The following PARP8 variants were observed in gnomAD, a reference collection of about 807,000 sequenced individuals.
The protein encoded by PARP8 is poly(ADP-ribose) polymerase family member 8, also known as protein mono-ADP-ribosyltransferase PARP8.
A neutral mutation model predicts 124.1 loss-of-function variants in PARP8; 51 were observed. That is an observed-to-expected ratio of 0.41 (90% confidence interval 0.33 to 0.52). The LOEUF (loss-of-function observed/expected upper bound fraction) is 0.52, where lower values mean the gene tolerates loss of function less well. PARP8 is among the 20% of genes least tolerant of loss of function. The probability of loss-of-function intolerance (pLI) is 0.21; values close to 1 mark genes in which losing one functional copy is unlikely to be tolerated. For synonymous variants in PARP8, 391 were observed against 361.5 expected, an observed-to-expected ratio of 1.08 and a Z score of -0.93; for missense variants, 860 against 1,018.9, an observed-to-expected ratio of 0.84 and a Z score of 2.12.
chr5:50,760,956 C>A (rs1760483566), intron 5 of PARP8, among the ~76,000 whole-genome samples: 1 of 152,146 alleles, frequency 6.6e-6, no homozygotes, highest in African/African-American at 2.4e-5. Flanking sequence ...TTGCACCATT[C>A]ATTGTTCCCT....
intron 2 of PARP8, among the ~76,000 whole-genome samples, chr5:50,704,751 A>G (rs572086840): frequency 1.3e-5 from 2 of 152,336 alleles, no homozygotes; most frequent in East Asian, 3.9e-4. Flanking sequence ...AACTGATTTC[A>G]TCTACTCTTT....
At chr5:50,740,532 A>G (rs1170609213) in intron 2 of PARP8, among the ~76,000 whole-genome samples, 1 of 152,140 alleles carries the variant, frequency 6.6e-6, no homozygotes, top group African/African-American at 2.4e-5. Context: ...GTGCTATTAA[A>G]ATTATGTTTG....
At chr5:50,674,498 C>T (rs1473880942) in intron 2 of PARP8, among the ~76,000 whole-genome samples, 1 of 152,206 alleles carries the variant, frequency 6.6e-6, no homozygotes, top group East Asian at 1.9e-4. Flanking sequence ...AGTTTCTTAT[C>T]CATCCAGTTT....
chr5:50,750,594 TA>T (rs1473564445), intron 3 of PARP8, among the ~76,000 whole-genome samples: 1 of 152,114 alleles, frequency 6.6e-6, no homozygotes, highest in South Asian at 2.1e-4. Flanking sequence ...TTTTTAGTAT[TA>T]AAAAATAGTA....
At chr5:50,718,373 CT>C (rs1383709686) in intron 2 of PARP8, among the ~76,000 whole-genome samples, 2 of 151,824 alleles carry the variant, frequency 1.3e-5, no homozygotes, top group Non-Finnish European at 2.9e-5. Context: ...TTGTAAATGT[CT>C]TATTGACTAA....
Position 50,835,026 on chromosome 5 carries a change from A to G in PARP8, c.2462+11A>G, listed in dbSNP as rs776400002. On this transcript the variant is annotated intron_variant, in intron 25 of 25. Coordinates refer to ENST00000281631, the MANE Select transcript of PARP8 (RefSeq NM_024615.4). ...ACGATTCTTTTTCGTGTAAGTGGAA[A>G]TGCTCAAATTTGTATATTACTGTCT... The G allele has an allele frequency of 1.9e-6, 3 of 1,608,666 alleles. No homozygotes were observed. In the African/African-American group the frequency reaches 4.0e-5, roughly 22 times the overall value.
chr5:50,717,115 T>G (rs2149496501), intron 2 of PARP8, among the ~76,000 whole-genome samples: 1 of 152,182 alleles, frequency 6.6e-6, no homozygotes, highest in South Asian at 2.1e-4. Flanking sequence ...GTTACATAAT[T>G]TGTAAATATA....
At position 50,779,954 on chromosome 5, in the gene PARP8, G is replaced by C. The variant is rs73101091; in HGVS notation, c.670+1304G>C. On this transcript the variant is annotated intron_variant, in intron 9 of 25. Transcript: ENST00000281631. ...ACATATTCTAACTGATTTAATGCTG[G>C]ACAAGAAAAAATAAATGTTTAAAAT... Among the ~76,000 whole-genome samples the C allele has an allele frequency of 9.3e-4, 141 of 151,990 alleles. 1 individual carries two copies. Among genetic ancestry groups the C allele is most frequent in the African/African-American group, 3.3e-3 (136 of 41,492 alleles).
chr5:50,672,395 G>T (rs999355537), intron 2 of PARP8, among the ~76,000 whole-genome samples: 2 of 152,130 alleles, frequency 1.3e-5, no homozygotes, highest in South Asian at 2.1e-4. Context: ...AATGCTAAAA[G>T]ACCTGGCAGA....
chr5:50,692,736 C>T (rs1752631128), intron 2 of PARP8, among the ~76,000 whole-genome samples: 1 of 152,052 alleles, frequency 6.6e-6, no homozygotes, highest in Non-Finnish European at 1.5e-5. Context: ...AAATCTTACT[C>T]TCTTAAATTT....
Position 50,731,212 on chromosome 5 carries a change from C to G in PARP8, c.147-18939C>G, listed in dbSNP as rs144875660. 2.3e-3 allele frequency among the ~76,000 whole-genome samples: 345 copies of G among 152,330 alleles called. 1 individual carries two copies. The highest frequency in any genetic ancestry group is 8.1e-3 in the African/African-American group (335 of 41,574). The stretch of plus-strand genomic sequence containing the variant: ...ATTTCTGACTTCTGTTCCAACCTAA[C>G]ACTCTGTGAAATCAAGATCACATGT... On this transcript the variant is annotated intron_variant, in intron 2 of 25. Coordinates refer to ENST00000281631, the MANE Select transcript of PARP8 (RefSeq NM_024615.4).
intron 14 of PARP8, among the ~76,000 whole-genome samples, chr5:50,811,408 C>A (rs374434654): frequency 6.6e-6 from 1 of 151,848 alleles, no homozygotes; most frequent in Non-Finnish European, 1.5e-5. Flanking sequence ...TGCCAAAAAT[C>A]ATTTGCGACA....
intron 2 of PARP8, among the ~76,000 whole-genome samples, chr5:50,673,536 G>T (rs1202580224): frequency 6.6e-6 from 1 of 152,130 alleles, no homozygotes; most frequent in Non-Finnish European, 1.5e-5. Flanking sequence ...AAAAACAGAG[G>T]CTTGGGTGAT....
intron 2 of PARP8, among the ~76,000 whole-genome samples, chr5:50,709,706 C>G (rs77502439): frequency 1.3e-5 from 2 of 151,308 alleles, no homozygotes; most frequent in Non-Finnish European, 2.9e-5. Context: ...TTTGCTCGTT[C>G]CACAAAAAAA....
chr5:50,784,317 A>G (rs557158424), intron 9 of PARP8, among the ~76,000 whole-genome samples: 2 of 152,294 alleles, frequency 1.3e-5, no homozygotes, highest in African/African-American at 2.4e-5. Context: ...CTTTGAAACT[A>G]AAGATAAGGA....
At chr5:50,668,249 C>T in intron 2 of PARP8, 124 bp downstream of exon 2, 2 of 882,814 alleles carry the variant, frequency 2.3e-6, no homozygotes. Context: ...CTTTTCTTTA[C>T]CTGCTACCCA....
At chr5:50,750,794 C>T (rs1203978547) in intron 3 of PARP8, among the ~76,000 whole-genome samples, 1 of 151,976 alleles carries the variant, frequency 6.6e-6, no homozygotes, top group Admixed American at 6.6e-5. Context: ...GAATAGTATT[C>T]TATAAAACTA....
intron 15 of PARP8, among the ~76,000 whole-genome samples, chr5:50,819,770 CT>C (rs1309676817): frequency 6.6e-6 from 1 of 152,020 alleles, no homozygotes; most frequent in African/African-American, 2.4e-5. Context: ...ACTGATTCTT[CT>C]TTGTCAGTTC....
At chr5:50,680,277 T>TTTTTA (rs1269983448) in intron 2 of PARP8, among the ~76,000 whole-genome samples, 2 of 152,128 alleles carry the variant, frequency 1.3e-5, no homozygotes, top group African/African-American at 2.4e-5. Context: ...TTCCAGGATT[T>TTTTTA]TTTTATTTTA....
Sources: gnomAD v4.1 joint callset for allele counts (sites outside exome capture counted in the v4.1 genomes callset) on GRCh38, gnomAD v4.1.1 for gene constraint, MANE v1.5 for transcripts, NCBI Gene and HGNC (gene_info 2026-07-23, HGNC 2026-07-21) for gene names.